SLC25A42: variants seen among roughly 807,000 people sequenced by gnomAD.
SLC25A42 encodes the protein solute carrier family 25 member 42.
SLC25A42 carries 19 observed loss-of-function variants against 34.7 expected under a neutral mutation model. That is an observed-to-expected ratio of 0.55 (90% CI 0.38 to 0.80). The LOEUF (loss-of-function observed/expected upper bound fraction) is 0.80, where lower values mean the gene tolerates loss of function less well. SLC25A42 is among the 30% of genes least tolerant of loss of function. The pLI is 0.00. For missense variants in SLC25A42, 364 were observed against 441.3 expected, an observed-to-expected ratio of 0.82 and a Z score of 1.57; for synonymous variants, 205 against 191.2, an observed-to-expected ratio of 1.07 and a Z score of -0.59.
At chr19:19,079,645 C>G (rs1167120630) in intron 1 of SLC25A42, among the ~76,000 whole-genome samples, 2 of 152,160 alleles carry the variant, frequency 1.3e-5, no homozygotes, top group Non-Finnish European at 2.9e-5. Context: ...TTTTGTATAT[C>G]CATTCATCTG....
chr19:19,090,015 G>A (rs895671951), intron 1 of SLC25A42, among the ~76,000 whole-genome samples: 4 of 152,214 alleles, frequency 2.6e-5, no homozygotes, highest in African/African-American at 9.6e-5. Flanking sequence ...CCTTTCCAAA[G>A]ATTGTTTTCT....
intron 1 of SLC25A42, among the ~76,000 whole-genome samples, chr19:19,084,197 C>T (rs1049488780): frequency 2.0e-5 from 3 of 152,202 alleles, no homozygotes; most frequent in African/African-American, 7.2e-5. Flanking sequence ...CGGCAGGCAC[C>T]TTTGGGGTGT....
chr19:19,110,375 T>C (rs2059856101), intron 7 of SLC25A42, among the ~76,000 whole-genome samples, 194 bp from the exon 8 acceptor site: 1 of 152,092 alleles, frequency 6.6e-6, no homozygotes, highest in Non-Finnish European at 1.5e-5. Context: ...TTCTCGAGTT[T>C]GAGTGAAAGG....
At chr19:19,079,398 C>T (rs1052048283) in intron 1 of SLC25A42, among the ~76,000 whole-genome samples, 5 of 152,004 alleles carry the variant, frequency 3.3e-5, no homozygotes, top group Non-Finnish European at 7.4e-5. Context: ...AAATCCCATC[C>T]CCATGAGCAG....
intron 3 of SLC25A42, among the ~76,000 whole-genome samples, chr19:19,104,504 G>A (rs2059815406): frequency 6.6e-6 from 1 of 152,236 alleles, no homozygotes; most frequent in Non-Finnish European, 1.5e-5. Flanking sequence ...ACAGGGGGTG[G>A]GAGAGGCAGG....
chr19:19,101,436 T>C (rs548742573), intron 2 of SLC25A42, among the ~76,000 whole-genome samples: 1 of 152,286 alleles, frequency 6.6e-6, no homozygotes, highest in Non-Finnish European at 1.5e-5. Flanking sequence ...GTACCTACAA[T>C]GCCACAGTGC....
chr19:19,087,775 T>A (rs556991157), intron 1 of SLC25A42, among the ~76,000 whole-genome samples: 1 of 152,326 alleles, frequency 6.6e-6, no homozygotes, highest in South Asian at 2.1e-4. Flanking sequence ...AGGCTGCTTA[T>A]TCAGAGTTTG....
chr19:19,065,866 G>T (rs539619323), intron 1 of SLC25A42, among the ~76,000 whole-genome samples: 37 of 151,802 alleles, frequency 2.4e-4, no homozygotes, highest in Admixed American at 6.6e-4. Flanking sequence ...TAGTTTTTGG[G>T]TTTTTTTTGA....
intron 1 of SLC25A42, among the ~76,000 whole-genome samples, chr19:19,091,312 G>A (rs960718872): frequency 6.6e-6 from 1 of 151,998 alleles, no homozygotes; most frequent in Non-Finnish European, 1.5e-5. Context: ...CAAAAACTTA[G>A]CCGGGCATGG....
At chr19:19,070,834 T>C (rs1449996334) in intron 1 of SLC25A42, among the ~76,000 whole-genome samples, 2 of 152,158 alleles carry the variant, frequency 1.3e-5, no homozygotes, top group African/African-American at 4.8e-5. Context: ...GTACCTCTGT[T>C]ACTTCAGGAA....
intron 1 of SLC25A42, among the ~76,000 whole-genome samples, chr19:19,089,452 C>T (rs914435204): frequency 1.3e-4 from 20 of 151,286 alleles, no homozygotes; most frequent in African/African-American, 1.7e-4. Flanking sequence ...TGCTTGAACC[C>T]GGGAGGTGGA....
At chr19:19,071,316 T>C (rs1210474643) in intron 1 of SLC25A42, among the ~76,000 whole-genome samples, 3 of 152,142 alleles carry the variant, frequency 2.0e-5, no homozygotes, top group Non-Finnish European at 4.4e-5. Context: ...TCCAAGTGTG[T>C]ACATCTTAAT....
chr19:19,106,499 T>G, intron 6 of SLC25A42, 114 bp downstream of exon 6: 1 of 767,706 alleles, frequency 1.3e-6, no homozygotes, highest in Non-Finnish European at 2.1e-6. Flanking sequence ...TGGGCCTCCG[T>G]GTCCACAGGG....
intron 2 of SLC25A42, among the ~76,000 whole-genome samples, chr19:19,098,481 A>C (rs1302232706): frequency 6.6e-6 from 1 of 152,074 alleles, no homozygotes; most frequent in South Asian, 2.1e-4. Flanking sequence ...CTGTGGTCTC[A>C]GCTACTGAGG....
intron 1 of SLC25A42, among the ~76,000 whole-genome samples, chr19:19,078,119 C>T (rs1052273270): frequency 6.6e-6 from 1 of 152,134 alleles, no homozygotes; most frequent in African/African-American, 2.4e-5. Context: ...CTGGGCAGGT[C>T]TTCAAAGCTC....
At position 19,107,919 on chromosome 19, in the gene SLC25A42, A is replaced by G; in HGVS notation, c.523A>G (p.Ile175Val). ...EMYSNIFHVF[I>V]RISREEGLKT... ...GTACAGCAACATCTTTCATGTCTTC[A>G]TCCGCATCTCGAGAGAAGAGGGGCT... The change falls in exon 7 of 8, where the codon ATC becomes GTC. Residue 175 changes from isoleucine (I) to valine (V), a missense_variant. Ile to Val is a conservative substitution (Grantham distance 29). Transcript: ENST00000318596. 6.2e-7 allele frequency: 1 copy of G among 1,614,102 alleles called. No homozygotes were observed. The highest frequency in any genetic ancestry group is 8.5e-7 in the Non-Finnish European group (1 of 1,180,004).
At position 19,093,684 on chromosome 19, in the gene SLC25A42, T is replaced by C. The variant is rs373231198; in HGVS notation, c.-34-2407T>C. On this transcript the variant is annotated intron_variant, in intron 1 of 7. Transcript: ENST00000318596. ...TCCGGTGGGATGTGTCTGGTGTTTT[T>C]TCCTTTCTTTCGAGACAGAGTCTCG... Among the ~76,000 whole-genome samples the C allele has an allele frequency of 3.5e-4, 53 of 152,214 alleles. 1 individual carries two copies. In the East Asian group the frequency reaches 6.0e-3, roughly 17 times the overall value.
Position 19,110,954 on chromosome 19 carries a change from G to T in SLC25A42, c.*78G>T. 6.6e-7 allele frequency: 1 copy of T among 1,516,116 alleles called. No homozygotes were observed. The highest frequency in any genetic ancestry group is 9.0e-7 in the Non-Finnish European group (1 of 1,109,264). 93.9% of individuals were successfully genotyped at this position (1,516,116 alleles called of 1,614,324 possible). A position where few individuals can be genotyped will look rare whatever the true frequency, so the allele number is the denominator to read the frequency against. On this transcript the variant is annotated 3_prime_UTR_variant, in exon 8 of 8. Transcript: ENST00000318596. ...GGCCCATGGAACGGTGGGGGGGTGC[G>T]CTTGATTCTACTTCAGGAGGCACAT... is the stretch of plus-strand genomic sequence containing the variant.
chr19:19,106,122 G>T (rs893520155), intron 5 of SLC25A42, 147 bp from the exon 6 acceptor site: 4 of 669,970 alleles, frequency 6.0e-6, no homozygotes, highest in African/African-American at 5.4e-5. Flanking sequence ...CATCAGCTTG[G>T]CCAGGAGGAA....
Sources: allele counts gnomAD v4.1 joint callset (sites outside exome capture counted in the v4.1 genomes callset), GRCh38; gene constraint gnomAD v4.1.1; transcripts MANE v1.5; gene names NCBI Gene and HGNC (gene_info 2026-07-23, HGNC 2026-07-21).